The following TNFSF14 variants were observed in gnomAD, a reference collection of about 807,000 sequenced individuals.
The protein encoded by TNFSF14 is TNF superfamily member 14.
In TNFSF14, 15 loss-of-function variants were observed where a neutral mutation model predicts 22.7. That is an observed-to-expected ratio of 0.66 (90% CI 0.44 to 1.02). The LOEUF is 1.02. Among genes scored for constraint, TNFSF14 ranks in the 50% least tolerant of loss-of-function variants. The pLI, the probability that TNFSF14 is intolerant of heterozygous loss-of-function variation, is 0.00. For missense variants in TNFSF14, 287 were observed against 326.2 expected, an observed-to-expected ratio of 0.88 and a Z score of 0.93; for synonymous variants, 133 against 139.6, an observed-to-expected ratio of 0.95 and a Z score of 0.33.
chr19:6,665,447 G>T, intron 3 of TNFSF14, 97 bp from the exon 4 acceptor site: 1 of 1,332,134 alleles, frequency 7.5e-7, no homozygotes, highest in Non-Finnish European at 1.0e-6. Context: ...CTCGCTCTGT[G>T]GACCAGGCTG....
upstream of TNFSF14, chr19:6,670,418 C>A: frequency 2.3e-6 from 1 of 430,246 alleles, no homozygotes; most frequent in East Asian, 6.8e-5. Context: ...ACTTTCTGCC[C>A]ATGCCAGGCT....
chr19:6,664,897 C>A lies in TNFSF14; in HGVS notation c.*29G>T. 1 of 1,557,596 alleles carries A rather than the reference C, an allele frequency of 6.4e-7. No homozygotes were observed. The highest frequency in any genetic ancestry group is 8.7e-7 in the Non-Finnish European group (1 of 1,147,008). ...CCCTCTGAGTTCTCCACGTGTCAGA[C>A]CCATGTCCAATGCACCACGCTCCTT... is the stretch of plus-strand genomic sequence containing the variant. On this transcript the variant is annotated 3_prime_UTR_variant, in exon 4 of 4. Transcript: ENST00000675206. The surrounding 1 kb of genome is among the most constrained non-coding windows in gnomAD (Gnocchi z 4.7).
chr19:6,665,448 G>A, intron 3 of TNFSF14, 98 bp from the exon 4 acceptor site: 1 of 1,303,452 alleles, frequency 7.7e-7, no homozygotes, highest in Non-Finnish European at 1.0e-6. Context: ...TCGCTCTGTG[G>A]ACCAGGCTGG....
chr19:6,670,171 AC>A, upstream of TNFSF14: 1 of 1,509,092 alleles, frequency 6.6e-7, no homozygotes, highest in East Asian at 2.4e-5. Context: ...GCGGACAGGC[AC>A]CCGTGGGCCG....
chr19:6,665,402 C>G, intron 3 of TNFSF14, 52 bp from the exon 4 acceptor site: 1 of 1,460,460 alleles, frequency 6.8e-7, no homozygotes. Context: ...ATGTCTTCCT[C>G]TGTTGCTTGT....
intron 1 of TNFSF14, 100 bp downstream of exon 1, chr19:6,669,750 AC>A: frequency 6.7e-7 from 1 of 1,494,366 alleles, no homozygotes; most frequent in Admixed American, 1.9e-5. Flanking sequence ...ACACACACAC[AC>A]ACACACACAC....
At chr19:6,669,127 C>G (rs965530251) in intron 1 of TNFSF14, among the ~76,000 whole-genome samples, 1 of 152,166 alleles carries the variant, frequency 6.6e-6, no homozygotes, top group African/African-American at 2.4e-5. Flanking sequence ...GGAAGCAGAC[C>G]GAGAAATTTC....
chr19:6,667,519 G>A (rs1917467489), intron 1 of TNFSF14, 70 bp from the exon 2 acceptor site: 3 of 1,525,970 alleles, frequency 2.0e-6, no homozygotes, highest in East Asian at 2.5e-5. Flanking sequence ...GCTCACACAT[G>A]GCTATGAGAC....
chr19:6,663,020 A>G lies in TNFSF14; in HGVS notation c.*1906T>C, dbSNP rs1917286485. ...CTCCATCCCTCTGCCTCTAGGAGCC[A>G]CCACTTGTTGCTGATGGTTGCCCCC... On this transcript the variant is annotated 3_prime_UTR_variant, in exon 4 of 4. Transcript: ENST00000675206. The G allele has an allele frequency of 6.6e-6, 1 of 152,220 alleles. No homozygotes were observed. Among genetic ancestry groups the G allele is most frequent in the African/African-American group, 2.4e-5 (1 of 41,432 alleles). The allele number at this position is 152,220 out of a possible 1,614,324, so 9.4% of individuals were successfully genotyped here.
Position 6,664,800 on chromosome 19 carries a change from A to G in TNFSF14, c.*126T>C, listed in dbSNP as rs1047447484. The G allele has an allele frequency of 3.9e-6, 5 of 1,293,866 alleles. No individual in the cohort carries two copies. In the African/African-American group the frequency reaches 7.4e-5, roughly 19 times the overall value. The allele number at this position is 1,293,866 out of a possible 1,614,324, so 80.1% of individuals were successfully genotyped here. ...GGTGATCCGCCTGCCTTGGCCTCCCAAAGTGCTGGGATTACAGGCGAGAGC... is the reference window on the plus strand; with the variant it reads ...GGTGATCCGCCTGCCTTGGCCTCCCGAAGTGCTGGGATTACAGGCGAGAGC... On this transcript the variant is annotated 3_prime_UTR_variant, in exon 4 of 4. Coordinates refer to ENST00000675206, the MANE Select transcript of TNFSF14 (RefSeq NM_001376887.1). This position sits in a 1 kb window ranked among gnomAD's most constrained non-coding sequence, Gnocchi z 4.7.
In TNFSF14 at chr19:6,664,629, C is replaced by A; in HGVS notation, c.*297G>T. On this transcript the variant is annotated 3_prime_UTR_variant, in exon 4 of 4. Transcript: ENST00000675206. This position sits in a 1 kb window ranked among gnomAD's most constrained non-coding sequence, Gnocchi z 4.7. The stretch of plus-strand genomic sequence containing the variant: ...TCTCGGCTCACTGCAACCTCCGCCT[C>A]CCGGGTTTAAGCAAAATTATCCTGC... The A allele has an allele frequency of 4.5e-6, 1 of 221,296 alleles. No individual in the cohort carries two copies. Among genetic ancestry groups the A allele is most frequent in the Non-Finnish European group, 8.9e-6 (1 of 112,802 alleles). The allele number at this position is 221,296 out of a possible 1,614,324, so 13.7% of individuals were successfully genotyped here. A position where few individuals can be genotyped will look rare whatever the true frequency, so the allele number is the denominator to read the frequency against.
chr19:6,669,731 C>G, intron 1 of TNFSF14, 120 bp downstream of exon 1: 1 of 1,424,622 alleles, frequency 7.0e-7, no homozygotes, highest in Non-Finnish European at 9.4e-7. Context: ...AGCCTGTGCC[C>G]TGTCCTACAC....
intron 3 of TNFSF14, among the ~76,000 whole-genome samples, chr19:6,666,235 C>T (rs1212251105): frequency 1.3e-5 from 2 of 151,288 alleles, no homozygotes; most frequent in Non-Finnish European, 2.9e-5. Context: ...GACCCTGTCT[C>T]TACAAAAAAC....
At chr19:6,667,253 C>T in intron 2 of TNFSF14, 99 bp from the exon 3 acceptor site, 1 of 1,447,112 alleles carries the variant, frequency 6.9e-7, no homozygotes, top group Non-Finnish European at 9.2e-7. Flanking sequence ...TCAACCCCAC[C>T]CCTTCCGGAG....
At chr19:6,665,483 A>G in intron 3 of TNFSF14, 133 bp from the exon 4 acceptor site, 1 of 1,006,862 alleles carries the variant, frequency 9.9e-7, no homozygotes, top group Non-Finnish European at 1.4e-6. Flanking sequence ...ATCTCGGCTT[A>G]CTGCACCCTC....
rs1917385675 is a variant in TNFSF14, at chr19:6,665,351, C to G, written c.299-1G>C. 1 of 1,562,086 alleles carries G rather than the reference C, an allele frequency of 6.4e-7. No individual in the cohort carries two copies. The highest frequency in any genetic ancestry group is 8.7e-7 in the Non-Finnish European group (1 of 1,155,146). Reference sequence around the variant, plus strand: ...CTGCCGGTCAAGCTGGAGTTGGCCCCTGTTGGGAAGAGAGAGACAAAGGGG... The same window carrying G: ...CTGCCGGTCAAGCTGGAGTTGGCCCGTGTTGGGAAGAGAGAGACAAAGGGG... On this transcript the variant is annotated splice_acceptor_variant, in intron 3 of 3. Transcript: ENST00000675206. LOFTEE classifies it high-confidence loss of function.
Position 6,667,097 on chromosome 19 carries a change from C to T in TNFSF14, c.298+16G>A. The T allele has an allele frequency of 6.2e-7, 1 of 1,609,452 alleles. No homozygotes were observed. The highest frequency in any genetic ancestry group is 8.5e-7 in the Non-Finnish European group (1 of 1,178,404). On this transcript the variant is annotated intron_variant, in intron 3 of 3. Transcript: ENST00000675206. Reference sequence around the variant, plus strand: ...CCTGACCCCTGCCCCTTGCCAGGATCCAGGGTCCCTCTCACCTGTGAGATG... The same window carrying T: ...CCTGACCCCTGCCCCTTGCCAGGATTCAGGGTCCCTCTCACCTGTGAGATG...
rs1470113521 is a variant in TNFSF14 at position 6,662,561 on chromosome 19, T to C, written c.*2365A>G. 6.6e-6 allele frequency: 1 copy of C among 152,196 alleles called. No homozygotes were observed. The highest frequency in any genetic ancestry group is 1.5e-5 in the Non-Finnish European group (1 of 68,028). 9.4% of individuals were successfully genotyped at this position (152,196 alleles called of 1,614,324 possible). On this transcript the variant is annotated 3_prime_UTR_variant, in exon 4 of 4. Transcript: ENST00000675206. The stretch of plus-strand genomic sequence containing the variant: ...ACAATGACAAGAATACTATTGGCGA[T>C]AACAACAATAACCCACAAATTTTGA...
At chr19:6,669,290 C>T (rs1420738194) in intron 1 of TNFSF14, among the ~76,000 whole-genome samples, 4 of 152,198 alleles carry the variant, frequency 2.6e-5, no homozygotes, top group Non-Finnish European at 5.9e-5. Flanking sequence ...TTGAGACCAG[C>T]CTGACAAACA....
Sources: gnomAD v4.1 joint callset for allele counts (sites outside exome capture counted in the v4.1 genomes callset) on GRCh38, gnomAD v4.1.1 for gene constraint, Gnocchi (gnomAD v3.1) non-coding constraint, MANE v1.5 for transcripts, NCBI Gene and HGNC (gene_info 2026-07-23, HGNC 2026-07-21) for gene names.